Variants in SCHIP1 observed in about 807,000 individuals in gnomAD.
SCHIP1 encodes schwannomin-interacting protein 1.
A neutral mutation model predicts 29.7 loss-of-function variants in SCHIP1; 8 were observed. That is an observed-to-expected ratio of 0.27 (90% CI 0.16 to 0.49). The LOEUF (loss-of-function observed/expected upper bound fraction) is 0.49. Ranked by LOEUF, SCHIP1 falls within the 20% of genes least tolerant of loss-of-function variation. The pLI is 0.99. For synonymous variants in SCHIP1, 76 were observed against 94.9 expected, an observed-to-expected ratio of 0.80 and a Z score of 1.16; for missense variants, 193 against 294.6, an observed-to-expected ratio of 0.66 and a Z score of 2.52.
At chr3:159,577,782 T>G in the SCHIP1 span, among the ~76,000 whole-genome samples, 1 of 152,216 alleles carries the variant, frequency 6.6e-6, no homozygotes, top group East Asian at 1.9e-4. Context: ...AGTTCTTCAC[T>G]GTGAAGGAGC....
chr3:159,316,505 C>A, the SCHIP1 span, among the ~76,000 whole-genome samples: 1 of 152,146 alleles, frequency 6.6e-6, no homozygotes, highest in Non-Finnish European at 1.5e-5. Flanking sequence ...TCTCTATTGG[C>A]AATACTCAGA....
chr3:159,887,723 T>C (rs199642390), exon 4 of SCHIP1: 1 of 1,613,988 alleles, frequency 6.2e-7, no homozygotes, highest in African/African-American at 1.3e-5. Flanking sequence ...ACAGAGTTCT[T>C]CCTATTCTGA....
chr3:159,850,150 A>T (rs1192749799), intron 1 of SCHIP1, among the ~76,000 whole-genome samples: 1 of 152,192 alleles, frequency 6.6e-6, no homozygotes, highest in African/African-American at 2.4e-5. Flanking sequence ...ATCAGAAGAG[A>T]TATGCGACAA....
At chr3:159,654,046 C>T in the SCHIP1 span, among the ~76,000 whole-genome samples, 1 of 152,060 alleles carries the variant, frequency 6.6e-6, no homozygotes, top group Non-Finnish European at 1.5e-5. Context: ...TACTTGATGT[C>T]CTGCTTTTTA....
the SCHIP1 span, among the ~76,000 whole-genome samples, chr3:159,428,888 C>T: frequency 6.6e-6 from 1 of 152,160 alleles, no homozygotes; most frequent in South Asian, 2.1e-4. Context: ...GAGTTCATGT[C>T]CTTTGTAGGG....
At chr3:159,464,773 A>T in the SCHIP1 span, among the ~76,000 whole-genome samples, 1 of 152,018 alleles carries the variant, frequency 6.6e-6, no homozygotes, top group East Asian at 1.9e-4. Context: ...ATTTATCCAA[A>T]CTCATCTGTT....
chr3:159,398,519 T>C, the SCHIP1 span, among the ~76,000 whole-genome samples: 1 of 152,180 alleles, frequency 6.6e-6, no homozygotes, highest in African/African-American at 2.4e-5. Flanking sequence ...AAAGTAACTA[T>C]GGCAGTAGCA....
chr3:159,617,058 G>C, the SCHIP1 span, among the ~76,000 whole-genome samples: 1 of 152,176 alleles, frequency 6.6e-6, no homozygotes, highest in Admixed American at 6.5e-5. Flanking sequence ...TGCTGAGTTA[G>C]AGCATTGATG....
chr3:159,586,666 C>T, the SCHIP1 span, among the ~76,000 whole-genome samples: 10 of 152,118 alleles, frequency 6.6e-5, no homozygotes, highest in Admixed American at 6.6e-4. Context: ...TATCTCATTT[C>T]CTGCCTCTGC....
the SCHIP1 span, among the ~76,000 whole-genome samples, chr3:159,563,037 A>T: frequency 1.3e-5 from 2 of 152,204 alleles, no homozygotes; most frequent in South Asian, 4.1e-4. Context: ...ACTGTGTTTG[A>T]CATCTTTAGA....
the SCHIP1 span, among the ~76,000 whole-genome samples, chr3:159,393,257 G>A: frequency 2.0e-5 from 3 of 152,120 alleles, no homozygotes; most frequent in East Asian, 5.8e-4. Context: ...CTCCCATTTT[G>A]TAGGTTGCCT....
At chr3:159,886,064 G>T in intron 2 of SCHIP1, 143 bp from the exon 4 acceptor site, 1 of 729,626 alleles carries the variant, frequency 1.4e-6, no homozygotes, top group Non-Finnish European at 2.3e-6. Flanking sequence ...TTATTTATAT[G>T]TGGAGAGTAA....
chr3:159,676,758 T>C, the SCHIP1 span, among the ~76,000 whole-genome samples: 1 of 152,172 alleles, frequency 6.6e-6, no homozygotes, highest in Non-Finnish European at 1.5e-5. Context: ...CCACCTGGGC[T>C]GTATGCTCCA....
At chr3:159,484,177 T>G in the SCHIP1 span, among the ~76,000 whole-genome samples, 3 of 152,160 alleles carry the variant, frequency 2.0e-5, no homozygotes, top group Non-Finnish European at 4.4e-5. Flanking sequence ...ATTATGAACA[T>G]GCATGTTACA....
chr3:159,574,524 A>G, the SCHIP1 span, among the ~76,000 whole-genome samples: 7 of 152,214 alleles, frequency 4.6e-5, no homozygotes, highest in Non-Finnish European at 8.8e-5. Flanking sequence ...GTTGTCTGTC[A>G]GCCCCTACTG....
At chr3:159,451,500 G>C in the SCHIP1 span, among the ~76,000 whole-genome samples, 2 of 152,146 alleles carry the variant, frequency 1.3e-5, no homozygotes, top group African/African-American at 4.8e-5. Context: ...AGAAAAACAT[G>C]AACTATGCTT....
chr3:159,492,708 C>G, the SCHIP1 span, among the ~76,000 whole-genome samples: 1 of 152,176 alleles, frequency 6.6e-6, no homozygotes, highest in East Asian at 1.9e-4. Context: ...CTTCCCCAAC[C>G]TAGCAAGGCA....
At chr3:159,343,238 C>T in the SCHIP1 span, among the ~76,000 whole-genome samples, 40 of 152,184 alleles carry the variant, frequency 2.6e-4, no homozygotes, top group African/African-American at 8.7e-4. Context: ...ATATACTTAA[C>T]CATACTCCTT....
chr3:159,804,239 G>C, the SCHIP1 span, among the ~76,000 whole-genome samples: 2 of 152,112 alleles, frequency 1.3e-5, no homozygotes, highest in African/African-American at 4.8e-5. Context: ...AGACTGATTT[G>C]GGCTGAGCAG....
Sources: allele counts gnomAD v4.1 joint callset (sites outside exome capture counted in the v4.1 genomes callset), GRCh38; gene constraint gnomAD v4.1.1; transcripts MANE v1.5; gene names NCBI Gene and HGNC (gene_info 2026-07-23, HGNC 2026-07-21).